Variants in EEFSEC observed in about 807,000 individuals in gnomAD.
The protein encoded by EEFSEC is eukaryotic elongation factor, selenocysteine-tRNA specific, also known as selenocysteine-specific elongation factor.
In EEFSEC, 43 loss-of-function variants were observed where a neutral mutation model predicts 42.1. That is an observed-to-expected ratio of 1.02 (90% CI 0.80 to 1.32). The LOEUF (loss-of-function observed/expected upper bound fraction) is 1.32, where lower values mean the gene tolerates loss of function less well. EEFSEC is among the 40% of genes most tolerant of loss of function. The pLI is 0.00. For missense variants in EEFSEC, 745 were observed against 803.6 expected, an observed-to-expected ratio of 0.93 and a Z score of 0.88; for synonymous variants, 354 against 339.1, an observed-to-expected ratio of 1.04 and a Z score of -0.48.
chr3:128,156,719 A>T (rs1368609946), intron 1 of EEFSEC, among the ~76,000 whole-genome samples: 2 of 152,228 alleles, frequency 1.3e-5, no homozygotes, highest in Admixed American at 6.5e-5. Flanking sequence ...GTCACAAACA[A>T]TGCTTATGTA....
intron 4 of EEFSEC, among the ~76,000 whole-genome samples, chr3:128,299,697 T>A (rs530415787): frequency 1.3e-5 from 2 of 152,318 alleles, no homozygotes; most frequent in East Asian, 3.9e-4. Context: ...GCTGACTCCC[T>A]TGTGTGTTCT....
At chr3:128,185,295 T>G (rs2065453849) in intron 1 of EEFSEC, among the ~76,000 whole-genome samples, 1 of 152,166 alleles carries the variant, frequency 6.6e-6, no homozygotes, top group African/African-American at 2.4e-5. Flanking sequence ...TTATTTTAAT[T>G]TATTCATCAT....
Position 128,358,206 on chromosome 3 carries a change from T to G in EEFSEC, c.1444-11T>G, listed in dbSNP as rs1457081993. On this transcript the variant is annotated splice_polypyrimidine_tract_variant and intron_variant, in intron 5 of 6. Coordinates refer to ENST00000254730, the MANE Select transcript of EEFSEC (RefSeq NM_021937.5). ...AATGCCCTCTCTCTGTGGCTGGGTGTGTGGGGACAGGCGATGGATGACTAC... is the reference window on the plus strand; with the variant it reads ...AATGCCCTCTCTCTGTGGCTGGGTGGGTGGGGACAGGCGATGGATGACTAC... 1 of 1,613,122 alleles carries G rather than the reference T, an allele frequency of 6.2e-7. No individual in the cohort carries two copies. Among genetic ancestry groups the G allele is most frequent in the East Asian group, 2.2e-5 (1 of 44,834 alleles).
At chr3:128,420,202 G>A in the EEFSEC span, among the ~76,000 whole-genome samples, 2 of 152,248 alleles carry the variant, frequency 1.3e-5, no homozygotes, top group African/African-American at 2.4e-5. Context: ...ACACACGCGC[G>A]TGGCTCCGCC....
chr3:128,408,383 A>AC lies in EEFSEC; in HGVS notation c.*129dup. On this transcript the variant is annotated 3_prime_UTR_variant, in exon 7 of 7. Transcript: ENST00000254730. ...CTGCAGTCCTGCAGCAGCAGCCCCC[A>AC]CCCCCAAGCTTGGTGCTGAGCCCTG... 1 of 1,076,626 alleles carries AC rather than the reference A, an allele frequency of 9.3e-7. No homozygotes were observed. Among genetic ancestry groups the AC allele is most frequent in the Non-Finnish European group, 1.3e-6 (1 of 766,994 alleles). 66.7% of individuals were successfully genotyped at this position (1,076,626 alleles called of 1,614,324 possible).
At chr3:128,305,458 T>C (rs1334783052) in intron 4 of EEFSEC, among the ~76,000 whole-genome samples, 8 of 152,324 alleles carry the variant, frequency 5.3e-5, no homozygotes, top group South Asian at 2.1e-4. Flanking sequence ...CCTTAGAAGA[T>C]TGAAGAAATT....
At chr3:128,272,807 G>A (rs538840922) in intron 4 of EEFSEC, among the ~76,000 whole-genome samples, 9 of 152,300 alleles carry the variant, frequency 5.9e-5, no homozygotes, top group Admixed American at 1.3e-4. Context: ...AAGGGACAAG[G>A]TGGGAGGGAT....
At position 128,309,085 on chromosome 3, in the gene EEFSEC, G is replaced by A. The variant is rs142738249; in HGVS notation, c.787-32148G>A. Among the ~76,000 whole-genome samples, 437 of 152,362 alleles carry A rather than the reference G, an allele frequency of 2.9e-3. 1 individual carries two copies. Among genetic ancestry groups the A allele is most frequent in the African/African-American group, 9.6e-3 (401 of 41,586 alleles). On this transcript the variant is annotated intron_variant, in intron 4 of 6. Transcript: ENST00000254730. The stretch of plus-strand genomic sequence containing the variant: ...TCGGAAAGACTGCCTTCGCCCATGA[G>A]CAAGAGTGTGAAAGTGAAGGTTTAT...
chr3:128,258,942 G>C (rs1360065994), intron 2 of EEFSEC, among the ~76,000 whole-genome samples: 1 of 152,126 alleles, frequency 6.6e-6, no homozygotes, highest in Non-Finnish European at 1.5e-5. Flanking sequence ...ATAGTCTCAG[G>C]TTTAAAGTAA....
chr3:128,277,480 G>A (rs1400081799), intron 4 of EEFSEC, among the ~76,000 whole-genome samples: 1 of 152,110 alleles, frequency 6.6e-6, no homozygotes, highest in Non-Finnish European at 1.5e-5. Flanking sequence ...TTGTTTTTGT[G>A]TGCGTGTTTT....
At chr3:128,362,738 A>G (rs1335264817) in intron 6 of EEFSEC, among the ~76,000 whole-genome samples, 1 of 152,188 alleles carries the variant, frequency 6.6e-6, no homozygotes, top group African/African-American at 2.4e-5. Flanking sequence ...TGCTTACCTC[A>G]TACTAGCCAG....
chr3:128,318,738 TCA>T (rs142709155), intron 4 of EEFSEC, among the ~76,000 whole-genome samples: 2,397 of 152,324 alleles, frequency 0.016, 46 homozygotes, highest in African/African-American at 0.054. Context: ...GCCTGGAGTG[TCA>T]CAGACAGTAT....
At chr3:128,333,347 C>T (rs2067154486) in intron 4 of EEFSEC, among the ~76,000 whole-genome samples, 1 of 152,230 alleles carries the variant, frequency 6.6e-6, no homozygotes, top group Non-Finnish European at 1.5e-5. Flanking sequence ...ATGGTGTGGG[C>T]TGTCCATTTC....
At chr3:128,215,966 C>T (rs2065807125) in intron 1 of EEFSEC, among the ~76,000 whole-genome samples, 1 of 152,112 alleles carries the variant, frequency 6.6e-6, no homozygotes, top group African/African-American at 2.4e-5. Flanking sequence ...ACTGTCTAAA[C>T]ATTAGGGACT....
chr3:128,232,327 C>A (rs1259343248), intron 1 of EEFSEC, among the ~76,000 whole-genome samples: 1 of 151,196 alleles, frequency 6.6e-6, no homozygotes. Flanking sequence ...AGAAGGAAAA[C>A]GAGGGGAAAA....
At chr3:128,300,982 T>A (rs2066761315) in intron 4 of EEFSEC, among the ~76,000 whole-genome samples, 1 of 152,194 alleles carries the variant, frequency 6.6e-6, no homozygotes, top group Non-Finnish European at 1.5e-5. Context: ...TTTAAGCTGA[T>A]TTCAGGTTTT....
chr3:128,165,141 C>G (rs2065231365), intron 1 of EEFSEC, among the ~76,000 whole-genome samples: 1 of 152,200 alleles, frequency 6.6e-6, no homozygotes, highest in Non-Finnish European at 1.5e-5. Flanking sequence ...GCTGCATCCT[C>G]CCAGCCAGTC....
intron 1 of EEFSEC, among the ~76,000 whole-genome samples, chr3:128,182,877 TC>T (rs1406339590): frequency 3.3e-3 from 55 of 16,916 alleles, no homozygotes; most frequent in African/African-American, 0.019. Context: ...GCCACAGAGA[TC>T]GGGGCGGGGG....
intron 4 of EEFSEC, among the ~76,000 whole-genome samples, chr3:128,288,957 A>C (rs1458825206): frequency 6.6e-6 from 1 of 152,232 alleles, no homozygotes. Context: ...ATTGTCCTTG[A>C]AATGGTGGCC....
Sources: gnomAD v4.1 joint callset for allele counts (sites outside exome capture counted in the v4.1 genomes callset) on GRCh38, gnomAD v4.1.1 for gene constraint, MANE v1.5 for transcripts, NCBI Gene and HGNC (gene_info 2026-07-23, HGNC 2026-07-21) for gene names.